CCNL1: variants seen among roughly 807,000 people sequenced by gnomAD.
CCNL1 encodes the protein cyclin-L1.
A neutral mutation model predicts 60.6 loss-of-function variants in CCNL1; 13 were observed. That is an observed-to-expected ratio of 0.21 (90% CI 0.14 to 0.34). The LOEUF is 0.34. CCNL1 is among the 10% of genes least tolerant of loss of function. CCNL1 has a pLI of 1.00. For missense variants in CCNL1, 481 were observed against 664.3 expected (o/e 0.72, Z 3.03); for synonymous variants, 270 against 244.3 (o/e 1.10, Z -0.98).
chr3:157,145,877 A>G (rs971520250), downstream of CCNL1, among the ~76,000 whole-genome samples: 8 of 152,250 alleles, frequency 5.3e-5, no homozygotes, highest in Non-Finnish European at 8.8e-5. Flanking sequence ...AATTTCTTCA[A>G]GTAAGAAATA....
rs750607630 is a variant in CCNL1, at chr3:157,159,435, G to A, written c.348C>T (p.Tyr116=). ...TGQVLFHRFF[Y]SKSFVKHSFE... ...AACTGTGTTTGACGAAAGATTTGGAGTAGAAAAAACGATGAAACAACACCT... is the reference window on the plus strand; with the variant it reads ...AACTGTGTTTGACGAAAGATTTGGAATAGAAAAAACGATGAAACAACACCT... Residue 116 remains tyrosine, a synonymous_variant, in exon 2 of 11, where the codon TAC becomes TAT. Coordinates refer to ENST00000295926, the MANE Select transcript of CCNL1 (RefSeq NM_020307.4). 2.0e-5 allele frequency: 33 copies of A among 1,614,014 alleles called. No individual in the cohort carries two copies. Among genetic ancestry groups the A allele is most frequent in the Admixed American group, 6.7e-5 (4 of 60,008 alleles).
downstream of CCNL1, among the ~76,000 whole-genome samples, chr3:157,146,976 A>G (rs1002909229): frequency 1.3e-5 from 2 of 152,308 alleles, no homozygotes; most frequent in Admixed American, 6.5e-5. Context: ...TGCCTTGTGA[A>G]GCTATTTTTT....
intron 7 of CCNL1, 42 bp downstream of exon 7, chr3:157,150,023 G>A (rs745336900): frequency 1.2e-6 from 2 of 1,609,764 alleles, no homozygotes; most frequent in South Asian, 1.1e-5. Context: ...AGAGTAGCTT[G>A]GACTCTTAGC....
chr3:157,144,462 G>A (rs1438266075), downstream of CCNL1, among the ~76,000 whole-genome samples: 1 of 152,226 alleles, frequency 6.6e-6, no homozygotes, highest in Non-Finnish European at 1.5e-5. Flanking sequence ...AAGTCACTGT[G>A]GAGGAATGAT....
Position 157,149,954 on chromosome 3 carries a change from T to G in CCNL1, c.903A>C (p.Lys301Asn), listed in dbSNP as rs1189871944. 3 of 1,612,888 alleles carry G rather than the reference T, an allele frequency of 1.9e-6. No individual in the cohort carries two copies. Among genetic ancestry groups the G allele is most frequent in the Non-Finnish European group, 2.5e-6 (3 of 1,179,790 alleles). ...AGGCTACTTTTCTTTTTTCTACTTC[T>G]TTTTCCAGTAATTCATAGTTTGGCT... is the stretch of plus-strand genomic sequence containing the variant. ...RKKPNYELLE[K>N]EVEKRKVALQ... is the part of the protein sequence containing the mutation. The change falls in exon 8 of 11, where the codon AAA becomes AAC. Residue 301 changes from lysine to asparagine, a missense_variant. This residue lies in a region of CCNL1 where 75 missense variants were observed against 129.6 expected (regional missense o/e 0.58). Coordinates refer to ENST00000295926, the MANE Select transcript of CCNL1 (RefSeq NM_020307.4).
chr3:157,156,099 C>A (rs1034263197), intron 3 of CCNL1, among the ~76,000 whole-genome samples: 16 of 152,140 alleles, frequency 1.1e-4, no homozygotes, highest in African/African-American at 3.6e-4. Flanking sequence ...AAAGTCCAAA[C>A]ATGGTTAGTT....
downstream of CCNL1, among the ~76,000 whole-genome samples, chr3:157,143,903 G>A (rs1001154372): frequency 1.3e-5 from 2 of 152,186 alleles, no homozygotes; most frequent in African/African-American, 4.8e-5. Context: ...GAAACCACTG[G>A]AGGCTTTATA....
At chr3:157,149,712 T>C (rs553534133) in intron 8 of CCNL1, 116 bp from the exon 9 acceptor site, 2 of 1,456,774 alleles carry the variant, frequency 1.4e-6, no homozygotes, top group Non-Finnish European at 9.4e-7. Flanking sequence ...TTGACTGCCA[T>C]GAGAGAACAT....
Position 157,160,009 on chromosome 3 carries a change from G to A in CCNL1, c.86C>T (p.Thr29Met). ...CGTCGTGGTCGTCGTCGTGGTCGTC[G>A]TCCCGGAGCTGGAGCCGCCCGCGCT... ...APSAGGSSSG[T>M]TTTTTTTTGG... The change falls in exon 1 of 11, where the codon ACG becomes ATG. Residue 29 changes from threonine to methionine, a missense_variant. This residue lies in a region of CCNL1 where 65 missense variants were observed against 57.5 expected (regional missense o/e 1.13). Coordinates refer to ENST00000295926, the MANE Select transcript of CCNL1 (RefSeq NM_020307.4). 6.4e-7 allele frequency: 1 copy of A among 1,572,814 alleles called. No homozygotes were observed. The highest frequency in any genetic ancestry group is 2.4e-5 in the East Asian group (1 of 42,474).
intron 1 of CCNL1, 56 bp downstream of exon 1, chr3:157,159,736 T>G: frequency 3.6e-6 from 5 of 1,371,256 alleles, no homozygotes; most frequent in Non-Finnish European, 4.9e-6. Context: ...AGATGCGGCG[T>G]AGGGGACGGA....
At chr3:157,144,706 A>G (rs1326152016), downstream of CCNL1, among the ~76,000 whole-genome samples, 1 of 152,206 alleles carries the variant, frequency 6.6e-6, no homozygotes, top group Non-Finnish European at 1.5e-5. Context: ...CCTCATGCAC[A>G]TTCTGTCTCT....
chr3:157,151,313 T>C (rs899712862), intron 5 of CCNL1: 4 of 985,728 alleles, frequency 4.1e-6, no homozygotes, highest in East Asian at 2.3e-4. Flanking sequence ...TCAATAGTCT[T>C]AGGAAACAGT....
At chr3:157,159,254 C>G in intron 2 of CCNL1, 151 bp downstream of exon 2, 4 of 722,918 alleles carry the variant, frequency 5.5e-6, no homozygotes, top group Non-Finnish European at 9.3e-6. Flanking sequence ...GAACCACATT[C>G]TAAAGGTTTC....
At position 157,148,202 on chromosome 3, in the gene CCNL1, C is replaced by T. The variant is rs898992606; in HGVS notation, c.*39G>A. On this transcript the variant is annotated 3_prime_UTR_variant, in exon 11 of 11. Transcript: ENST00000295926. The stretch of plus-strand genomic sequence containing the variant: ...GTCCATACATCACACTGTAGATAGG[C>T]AAAACCAAGAACTGATGCAGGCTCA... 1.0e-5 allele frequency: 16 copies of T among 1,584,480 alleles called. No individual in the cohort carries two copies. The highest frequency in any genetic ancestry group is 1.4e-5 in the Non-Finnish European group (16 of 1,166,126).
chr3:157,156,793 T>A, intron 3 of CCNL1: 1 of 515,276 alleles, frequency 1.9e-6, no homozygotes, highest in Non-Finnish European at 3.0e-6. Flanking sequence ...ACCTAACCAA[T>A]GTATAATACT....
At chr3:157,152,747 A>G in intron 4 of CCNL1, 1 of 1,171,768 alleles carries the variant, frequency 8.5e-7, no homozygotes, top group Non-Finnish European at 1.1e-6. Context: ...GAGGAACTTT[A>G]CATCTCTGTT....
intron 3 of CCNL1, chr3:157,154,694 A>C (rs908054176): frequency 6.6e-6 from 1 of 152,130 alleles, no homozygotes; most frequent in African/African-American, 2.4e-5. Context: ...AATGCTTACT[A>C]AACAAAAACT....
downstream of CCNL1, among the ~76,000 whole-genome samples, chr3:157,145,357 G>C (rs1430983549): frequency 7.2e-6 from 1 of 139,164 alleles, no homozygotes; most frequent in Non-Finnish European, 1.5e-5. Context: ...AGAATGGCAT[G>C]AACCTGGGAG....
intron 2 of CCNL1, 176 bp downstream of exon 2, chr3:157,159,229 C>G (rs1738864873): frequency 1.5e-6 from 1 of 662,372 alleles, no homozygotes; most frequent in Non-Finnish European, 2.6e-6. Context: ...GGCACTTAGG[C>G]TCGTGATCGA....
Sources: allele counts gnomAD v4.1 joint callset (sites outside exome capture counted in the v4.1 genomes callset), GRCh38; gene constraint gnomAD v4.1.1; regional missense constraint gnomAD v4.1.1; transcripts MANE v1.5; gene names NCBI Gene and HGNC (gene_info 2026-07-23, HGNC 2026-07-21).